The following ARHGAP15 variants were observed in gnomAD, a reference collection of about 807,000 sequenced individuals.
ARHGAP15 encodes rho GTPase-activating protein 15.
In ARHGAP15, 51 loss-of-function variants were observed where a neutral mutation model predicts 63.7. That is an observed-to-expected ratio of 0.80 (90% CI 0.64 to 1.01). ARHGAP15 has a LOEUF of 1.01. Ranked by LOEUF, ARHGAP15 falls within the 50% of genes least tolerant of loss-of-function variation. ARHGAP15 has a pLI of 0.00. For missense variants in ARHGAP15, 560 were observed against 564.6 expected (o/e 0.99, Z 0.08); for synonymous variants, 191 against 193.8 (o/e 0.99, Z 0.12).
chr2:143,446,111 T>C (rs1690126507), intron 8 of ARHGAP15, among the ~76,000 whole-genome samples: 1 of 150,040 alleles, frequency 6.7e-6, no homozygotes, highest in Non-Finnish European at 1.5e-5. Flanking sequence ...GTTTCTTAAG[T>C]TTCTTGAAAT....
At chr2:143,496,575 G>A (rs1692826060) in intron 9 of ARHGAP15, among the ~76,000 whole-genome samples, 1 of 152,092 alleles carries the variant, frequency 6.6e-6, no homozygotes, top group East Asian at 1.9e-4. Context: ...CTACAAAATG[G>A]TTTTACCAGT....
intron 6 of ARHGAP15, among the ~76,000 whole-genome samples, chr2:143,259,544 A>G (rs1285829328): frequency 6.6e-6 from 1 of 152,210 alleles, no homozygotes; most frequent in African/African-American, 2.4e-5. Flanking sequence ...ATGCTGCATT[A>G]TTCATAAAAG....
At chr2:143,177,661 A>C (rs1247369299) in intron 2 of ARHGAP15, among the ~76,000 whole-genome samples, 1 of 152,172 alleles carries the variant, frequency 6.6e-6, no homozygotes, top group Non-Finnish European at 1.5e-5. Context: ...CAAGAGGTCA[A>C]ATCTATTTTC....
chr2:143,282,902 C>T (rs574306259), intron 6 of ARHGAP15, among the ~76,000 whole-genome samples: 127 of 152,228 alleles, frequency 8.3e-4, no homozygotes, highest in African/African-American at 2.7e-3. Context: ...TCTCCCTTGG[C>T]GTTACGCTGT....
At position 143,413,408 on chromosome 2, in the gene ARHGAP15, C is replaced by T. The variant is rs1056618814; in HGVS notation, c.475-22193C>T. Among the ~76,000 whole-genome samples, 33 of 152,116 alleles carry T rather than the reference C, an allele frequency of 2.2e-4. 1 individual carries two copies. The highest frequency in any genetic ancestry group is 5.2e-4 in the Admixed American group (8 of 15,274). On this transcript the variant is annotated intron_variant, in intron 6 of 13. Coordinates refer to ENST00000295095, the MANE Select transcript of ARHGAP15 (RefSeq NM_018460.4). The stretch of plus-strand genomic sequence containing the variant: ...CCCCTTTACCTTGGTAGAATATAAA[C>T]GGCAATTTTGTTTCTCAAGCCCTGT...
chr2:143,704,369 C>G (rs924387421), intron 13 of ARHGAP15, among the ~76,000 whole-genome samples: 1 of 152,060 alleles, frequency 6.6e-6, no homozygotes, highest in Non-Finnish European at 1.5e-5. Flanking sequence ...TTGAGTGGAG[C>G]CCTCAGAGAG....
At chr2:143,722,929 G>C (rs1291622933) in intron 13 of ARHGAP15, among the ~76,000 whole-genome samples, 2 of 152,216 alleles carry the variant, frequency 1.3e-5, no homozygotes, top group African/African-American at 4.8e-5. Context: ...AGGTTACTGA[G>C]CAGTTGAAAA....
At chr2:143,536,122 T>C (rs1694745408) in intron 10 of ARHGAP15, among the ~76,000 whole-genome samples, 1 of 152,224 alleles carries the variant, frequency 6.6e-6, no homozygotes, top group Non-Finnish European at 1.5e-5. Flanking sequence ...CGTCTTGCTA[T>C]CCAATAGATC....
At chr2:143,731,101 C>T (rs554164183) in intron 13 of ARHGAP15, among the ~76,000 whole-genome samples, 17 of 151,794 alleles carry the variant, frequency 1.1e-4, no homozygotes, top group Non-Finnish European at 2.1e-4. Context: ...AGGTGAAACG[C>T]TAGAAAGGAA....
chr2:143,178,703 C>T (rs1226295025), intron 2 of ARHGAP15, among the ~76,000 whole-genome samples: 1 of 152,192 alleles, frequency 6.6e-6, no homozygotes, highest in Non-Finnish European at 1.5e-5. Flanking sequence ...AAGCAATCCT[C>T]CCGCCTCAGC....
At chr2:143,249,909 T>C (rs1574151891) in intron 5 of ARHGAP15, among the ~76,000 whole-genome samples, 1 of 152,120 alleles carries the variant, frequency 6.6e-6, no homozygotes, top group Admixed American at 6.6e-5. Flanking sequence ...AAAGTGAATT[T>C]CTAAAAGGCA....
intron 6 of ARHGAP15, among the ~76,000 whole-genome samples, chr2:143,375,470 C>A (rs1686765958): frequency 1.3e-5 from 2 of 152,130 alleles, no homozygotes; most frequent in South Asian, 4.1e-4. Context: ...CTGCCAAGCA[C>A]TTATGAACTA....
chr2:143,660,203 G>A (rs957613130), intron 12 of ARHGAP15, among the ~76,000 whole-genome samples: 1 of 152,048 alleles, frequency 6.6e-6, no homozygotes, highest in African/African-American at 2.4e-5. Flanking sequence ...GTACCAATTT[G>A]ATCTGTTTTT....
chr2:143,542,651 ATATATAT>A (rs1206354487), intron 10 of ARHGAP15, among the ~76,000 whole-genome samples: 2 of 142,042 alleles, frequency 1.4e-5, no homozygotes, highest in South Asian at 2.1e-4. Flanking sequence ...TATATATATG[ATATATAT>A]TATATATATG....
intron 11 of ARHGAP15, among the ~76,000 whole-genome samples, 179 bp downstream of exon 11, chr2:143,556,664 A>G (rs929392622): frequency 6.6e-6 from 1 of 152,134 alleles, no homozygotes; most frequent in Non-Finnish European, 1.5e-5. Context: ...CTAGAAAAGA[A>G]TAGCATATAC....
At chr2:143,635,194 CTTTT>C (rs10558886) in intron 12 of ARHGAP15, among the ~76,000 whole-genome samples, 375 of 26,774 alleles carry the variant, frequency 0.014, no homozygotes, top group Non-Finnish European at 0.019. Flanking sequence ...CTCTCAGGAG[CTTTT>C]TTTTTTTTTT....
chr2:143,264,832 A>T (rs1680909913), intron 6 of ARHGAP15, among the ~76,000 whole-genome samples: 1 of 152,182 alleles, frequency 6.6e-6, no homozygotes, highest in African/African-American at 2.4e-5. Flanking sequence ...CTTGGAAAAA[A>T]GATAATGAGA....
At chr2:143,245,111 G>A (rs1036606961) in intron 5 of ARHGAP15, among the ~76,000 whole-genome samples, 34 of 152,224 alleles carry the variant, frequency 2.2e-4, no homozygotes, top group African/African-American at 7.0e-4. Context: ...GGAGGCCAGA[G>A]GCACCCATTG....
intron 8 of ARHGAP15, chr2:143,437,274 C>T (rs1558970846): frequency 4.6e-6 from 2 of 431,640 alleles, no homozygotes; most frequent in East Asian, 4.6e-5. Context: ...TCTCTGCTTA[C>T]AGCAAACCTC....
Sources: gnomAD v4.1 joint callset for allele counts (sites outside exome capture counted in the v4.1 genomes callset) on GRCh38, gnomAD v4.1.1 for gene constraint, MANE v1.5 for transcripts, NCBI Gene and HGNC (gene_info 2026-07-23, HGNC 2026-07-21) for gene names.